The following NFIB variants were observed in gnomAD, a reference collection of about 807,000 sequenced individuals.
NFIB encodes the protein nuclear factor 1 B-type.
Under a neutral mutation model 61.5 loss-of-function variants are expected in NFIB, and 11 were observed. That is an observed-to-expected ratio of 0.18 (90% confidence interval 0.11 to 0.30). The LOEUF (loss-of-function observed/expected upper bound fraction) is 0.30. Ranked by LOEUF, NFIB falls within the 10% of genes least tolerant of loss-of-function variation. The pLI is 1.00. For missense variants in NFIB, 471 were observed against 608.9 expected (o/e 0.77, Z 2.38); for synonymous variants, 260 against 216.5 (o/e 1.20, Z -1.76).
At chr9:14,134,743 A>G (rs990385967) in intron 6 of NFIB, among the ~76,000 whole-genome samples, 1 of 151,910 alleles carries the variant, frequency 6.6e-6, no homozygotes, top group Non-Finnish European at 1.5e-5. Flanking sequence ...CTAAAACTAC[A>G]AAAATTAGCT....
intron 6 of NFIB, among the ~76,000 whole-genome samples, chr9:14,135,742 GAGATA>G (rs1250825409): frequency 6.6e-6 from 1 of 152,072 alleles, no homozygotes; most frequent in Non-Finnish European, 1.5e-5. Flanking sequence ...ACGTTAAGAG[GAGATA>G]AGATGTCATC....
chr9:14,412,307 C>G, the NFIB span, among the ~76,000 whole-genome samples: 1 of 152,178 alleles, frequency 6.6e-6, no homozygotes, highest in African/African-American at 2.4e-5. Context: ...TTTACGCTTT[C>G]AGAAAAGGGA....
At chr9:14,140,360 T>C (rs1162266119) in intron 6 of NFIB, among the ~76,000 whole-genome samples, 1 of 152,142 alleles carries the variant, frequency 6.6e-6, no homozygotes, top group Non-Finnish European at 1.5e-5. Context: ...CAGACTGTGG[T>C]TTGGACTAGA....
intron 2 of NFIB, among the ~76,000 whole-genome samples, chr9:14,277,036 A>C (rs1479992008): frequency 3.3e-5 from 5 of 152,204 alleles, no homozygotes; most frequent in Non-Finnish European, 7.3e-5. Flanking sequence ...TGTTAAAAAA[A>C]GCTCAAAACA....
At chr9:14,332,444 A>G (rs1439950955) in intron 1 of NFIB, among the ~76,000 whole-genome samples, 9 of 151,778 alleles carry the variant, frequency 5.9e-5, no homozygotes, top group Non-Finnish European at 5.9e-5. Flanking sequence ...GGGCAGTTTT[A>G]TCTCAAGGTT....
chr9:14,506,060 T>A, the NFIB span, among the ~76,000 whole-genome samples: 1 of 152,124 alleles, frequency 6.6e-6, no homozygotes, highest in East Asian at 1.9e-4. Context: ...TATAGAAACA[T>A]GCTAGACAAA....
At chr9:14,221,683 C>T (rs2051694230) in intron 2 of NFIB, among the ~76,000 whole-genome samples, 1 of 152,158 alleles carries the variant, frequency 6.6e-6, no homozygotes, top group Admixed American at 6.5e-5. Context: ...GGGTAAGACC[C>T]ACATTCTCCC....
chr9:14,274,742 T>G (rs2057879117), intron 2 of NFIB, among the ~76,000 whole-genome samples: 1 of 152,164 alleles, frequency 6.6e-6, no homozygotes. Context: ...GGGCTAAAAT[T>G]GACAAAATTA....
the NFIB span, among the ~76,000 whole-genome samples, chr9:14,470,785 A>G: frequency 6.6e-6 from 1 of 152,208 alleles, no homozygotes; most frequent in Non-Finnish European, 1.5e-5. Context: ...CTGGACAAAG[A>G]GCCAGGGGAA....
At chr9:14,449,205 G>C in the NFIB span, among the ~76,000 whole-genome samples, 1 of 152,198 alleles carries the variant, frequency 6.6e-6, no homozygotes, top group African/African-American at 2.4e-5. Flanking sequence ...TCAGAAGTCA[G>C]TCGTTAGTGT....
intron 2 of NFIB, among the ~76,000 whole-genome samples, chr9:14,227,300 T>A (rs2052555005): frequency 6.6e-6 from 1 of 152,216 alleles, no homozygotes; most frequent in Admixed American, 6.5e-5. Context: ...GCTGGTGAGA[T>A]CTTATTTTTA....
chr9:14,094,209 T>C (rs1373191867), intron 10 of NFIB: 3 of 152,098 alleles, frequency 2.0e-5, no homozygotes, highest in Admixed American at 6.6e-5. Context: ...ATAGTTTACT[T>C]TTCTCACTGG....
chr9:14,528,567 A>G, the NFIB span, among the ~76,000 whole-genome samples: 1,176 of 152,276 alleles, frequency 7.7e-3, 21 homozygotes, highest in African/African-American at 0.027. Flanking sequence ...TTAATTTTAC[A>G]GATTAATATT....
intron 2 of NFIB, among the ~76,000 whole-genome samples, chr9:14,271,152 C>A (rs1046159769): frequency 6.6e-6 from 1 of 150,936 alleles, no homozygotes; most frequent in Non-Finnish European, 1.5e-5. Flanking sequence ...AAAGCACCAG[C>A]GTCCCATAGA....
chr9:14,381,422 C>A (rs903259750), intron 1 of NFIB, among the ~76,000 whole-genome samples: 1 of 152,110 alleles, frequency 6.6e-6, no homozygotes, highest in Non-Finnish European at 1.5e-5. Flanking sequence ...AACTCCTGGG[C>A]TCAAGTGATC....
At chr9:14,323,634 T>G (rs2060711769) in intron 1 of NFIB, among the ~76,000 whole-genome samples, 1 of 152,222 alleles carries the variant, frequency 6.6e-6, no homozygotes, top group African/African-American at 2.4e-5. Context: ...ATTATGTGAT[T>G]ACCAGTGAGA....
chr9:14,419,300 A>AAAG, the NFIB span, among the ~76,000 whole-genome samples: 2 of 151,746 alleles, frequency 1.3e-5, no homozygotes, highest in Non-Finnish European at 2.9e-5. Context: ...AAAAAAAAAA[A>AAAG]AAAGCAAGAA....
At chr9:14,220,530 G>A (rs2051512248) in intron 2 of NFIB, among the ~76,000 whole-genome samples, 1 of 152,142 alleles carries the variant, frequency 6.6e-6, no homozygotes, top group Non-Finnish European at 1.5e-5. Context: ...GAAACCAGGA[G>A]CCCCGCCTGG....
chr9:14,442,019 G>C, the NFIB span, among the ~76,000 whole-genome samples: 1 of 152,142 alleles, frequency 6.6e-6, no homozygotes, highest in Non-Finnish European at 1.5e-5. Flanking sequence ...ACAGGAATTA[G>C]GTCATTTCAT....
Sources: allele counts gnomAD v4.1 joint callset (sites outside exome capture counted in the v4.1 genomes callset), GRCh38; gene constraint gnomAD v4.1.1; transcripts MANE v1.5; gene names NCBI Gene and HGNC (gene_info 2026-07-23, HGNC 2026-07-21).